Variants in CASS4 observed in about 807,000 individuals in gnomAD.
The protein encoded by CASS4 is cas scaffolding protein family member 4.
CASS4 carries 22 observed loss-of-function variants against 54.2 expected under a neutral mutation model. That is an observed-to-expected ratio of 0.41 (90% CI 0.29 to 0.58). CASS4 has a LOEUF of 0.58. CASS4 is among the 20% of genes least tolerant of loss of function. CASS4 has a pLI of 0.36. For synonymous variants in CASS4, 409 were observed against 391.5 expected (o/e 1.04, Z -0.53); for missense variants, 854 against 986.7 (o/e 0.87, Z 1.80).
At chr20:56,457,803 T>G (rs767597890) in intron 5 of CASS4, among the ~76,000 whole-genome samples, 47 of 152,048 alleles carry the variant, frequency 3.1e-4, no homozygotes, top group Non-Finnish European at 3.2e-4. Context: ...TCATTTGAGA[T>G]CAGGGGTTCA....
intron 5 of CASS4, among the ~76,000 whole-genome samples, chr20:56,456,203 G>A (rs1051876865): frequency 1.3e-5 from 2 of 151,834 alleles, no homozygotes; most frequent in African/African-American, 4.8e-5. Flanking sequence ...ACCCCTGCCC[G>A]CTCACTGCCT....
At chr20:56,422,755 C>G (rs941774587) in intron 1 of CASS4, among the ~76,000 whole-genome samples, 1 of 152,178 alleles carries the variant, frequency 6.6e-6, no homozygotes, top group African/African-American at 2.4e-5. Context: ...CATGGAGAAC[C>G]AGTTAAAGTT....
intron 1 of CASS4, among the ~76,000 whole-genome samples, chr20:56,427,270 A>G (rs1338851805): frequency 6.6e-6 from 1 of 151,578 alleles, no homozygotes; most frequent in Non-Finnish European, 1.5e-5. Context: ...AAGTGTCTGT[A>G]GATACTTTGA....
upstream of CASS4, chr20:56,412,147 G>T: frequency 2.7e-6 from 1 of 377,342 alleles, no homozygotes; most frequent in Non-Finnish European, 4.9e-6. This position sits in a 1 kb window ranked among gnomAD's most constrained non-coding sequence, Gnocchi z 4.2. Flanking sequence ...TTCTTCTTTT[G>T]TGGTTTCACA....
chr20:56,453,120 C>T lies in CASS4; in HGVS notation c.1944C>T (p.Ile648=), dbSNP rs775142048. The change falls in exon 5 of 6, where the codon ATC becomes ATT. Residue 648 remains isoleucine (I), a synonymous_variant. Coordinates refer to ENST00000679887, the MANE Select transcript of CASS4 (RefSeq NM_020356.4). ...SELLKKNRAN[I]CGQNPGPLIP... ...TATTAAAGAAAAATAGGGCAAATATCTGTGGACAGGTGAGTTCAGAGTTCC... is the reference window on the plus strand; with the variant it reads ...TATTAAAGAAAAATAGGGCAAATATTTGTGGACAGGTGAGTTCAGAGTTCC... The T allele has an allele frequency of 1.1e-5, 18 of 1,611,478 alleles. No homozygotes were observed. Among genetic ancestry groups the T allele is most frequent in the African/African-American group, 1.3e-5 (1 of 74,866 alleles).
chr20:56,412,208 T>G, upstream of CASS4: 1 of 504,278 alleles, frequency 2.0e-6, no homozygotes. This position sits in a 1 kb window ranked among gnomAD's most constrained non-coding sequence, Gnocchi z 4.2. Flanking sequence ...ACGTCAGGCA[T>G]TGAGACGTGA....
chr20:56,450,701 G>A, intron 4 of CASS4, 22 bp downstream of exon 4: 1 of 1,610,644 alleles, frequency 6.2e-7, no homozygotes, highest in Non-Finnish European at 8.5e-7. Flanking sequence ...GAGGTGCTAA[G>A]GTGCGGTGTT....
intron 5 of CASS4, 131 bp from the exon 6 acceptor site, chr20:56,458,209 G>T (rs1981391341): frequency 3.9e-6 from 3 of 771,828 alleles, no homozygotes; most frequent in African/African-American, 1.8e-5. Context: ...GCAGTATTGG[G>T]CTTCCCAAAC....
At chr20:56,436,361 T>TGTATAG (rs58241683) in intron 1 of CASS4, among the ~76,000 whole-genome samples, 36 of 136,998 alleles carry the variant, frequency 2.6e-4, no homozygotes, top group Admixed American at 1.6e-3. Flanking sequence ...TGTGTGTGTG[T>TGTATAG]ATATATATAT....
intron 2 of CASS4, among the ~76,000 whole-genome samples, chr20:56,442,167 T>C (rs1364289115): frequency 2.6e-5 from 4 of 151,804 alleles, no homozygotes; most frequent in Non-Finnish European, 5.9e-5. Flanking sequence ...GTCTGCAGAC[T>C]AAGAGTGGCC....
chr20:56,417,732 G>A (rs1267286477), intron 1 of CASS4, among the ~76,000 whole-genome samples: 1 of 152,222 alleles, frequency 6.6e-6, no homozygotes, highest in African/African-American at 2.4e-5. Context: ...GATAGGAACA[G>A]CACTACTTTC....
chr20:56,437,514 A>G lies in CASS4; in HGVS notation c.387A>G (p.Gln129=). Residue 129 remains glutamine (Q), a synonymous_variant, in exon 2 of 6, where the codon CAA becomes CAG. Coordinates refer to ENST00000679887, the MANE Select transcript of CASS4 (RefSeq NM_020356.4). The surrounding 1 kb of genome is among the most constrained non-coding windows in gnomAD (Gnocchi z 4.7). ...WAEGPQPPTA[Q]VYEFPDPPTS... ...AGGGGCCCCAGCCCCCTACTGCCCA[A>G]GTCTATGAATTCCCCGACCCTCCCA... The G allele has an allele frequency of 6.3e-7, 1 of 1,591,102 alleles. No individual in the cohort carries two copies. Among genetic ancestry groups the G allele is most frequent in the Non-Finnish European group, 8.6e-7 (1 of 1,168,960 alleles).
intron 1 of CASS4, among the ~76,000 whole-genome samples, chr20:56,435,979 C>G (rs549512827): frequency 2.0e-4 from 31 of 151,954 alleles, no homozygotes; most frequent in African/African-American, 7.0e-4. Context: ...CTTGAACTCC[C>G]GGCCTCAAGT....
At position 56,452,940 on chromosome 20, in the gene CASS4, T is replaced by G; in HGVS notation, c.1764T>G (p.Phe588Leu). 6.2e-7 allele frequency: 1 copy of G among 1,614,088 alleles called. No homozygotes were observed. The highest frequency in any genetic ancestry group is 8.5e-7 in the Non-Finnish European group (1 of 1,180,028). ...TCATTGCCAATGGAAGGCTCCTTTT[T>G]AAGCGGAACTGTGAAAAGGAAGAGA... ...SIVIANGRLL[F>L]KRNCEKEETV... Residue 588 changes from phenylalanine (F) to leucine (L), a missense_variant, in exon 5 of 6, where the codon TTT (phenylalanine) becomes TTG (leucine). Transcript: ENST00000679887.
chr20:56,441,582 G>A (rs925126368), intron 2 of CASS4, among the ~76,000 whole-genome samples: 1 of 152,038 alleles, frequency 6.6e-6, no homozygotes, highest in Non-Finnish European at 1.5e-5. Context: ...TCCAGCTTGG[G>A]TGACAAGAGG....
rs561011759 is a variant in CASS4, at chr20:56,431,104, A to G, written c.37-6060A>G. On this transcript the variant is annotated intron_variant, in intron 1 of 5. Transcript: ENST00000679887. ...GTGAAAGAATGGATGTGAGGAACCA[A>G]TTAGAATTTAAGTGACCTTGGACAA... Among the ~76,000 whole-genome samples the G allele has an allele frequency of 2.4e-4, 36 of 152,286 alleles. 1 individual carries two copies. Among genetic ancestry groups the G allele is most frequent in the East Asian group, 1.7e-3 (9 of 5,178 alleles).
Position 56,445,922 on chromosome 20 carries a change from C to T in CASS4, c.482C>T (p.Pro161Leu), listed in dbSNP as rs1980685457. Residue 161 changes from proline to leucine, a missense_variant, in exon 3 of 6, where the codon CCT (proline) becomes CTT (leucine). Coordinates refer to ENST00000679887, the MANE Select transcript of CASS4 (RefSeq NM_020356.4). ...PKQAILTLPR[P>L]VRASLPTLPS... ...AAGGCCATCCTCACGCTTCCCAGACCTGTCCGGGCCTCACTGCCGACTCTG... is the reference window on the plus strand; with the variant it reads ...AAGGCCATCCTCACGCTTCCCAGACTTGTCCGGGCCTCACTGCCGACTCTG... 1 of 1,614,044 alleles carries T rather than the reference C, an allele frequency of 6.2e-7. No individual in the cohort carries two copies. The highest frequency in any genetic ancestry group is 2.2e-5 in the East Asian group (1 of 44,882).
chr20:56,439,116 T>C (rs894622861), intron 2 of CASS4, among the ~76,000 whole-genome samples: 1 of 152,168 alleles, frequency 6.6e-6, no homozygotes, highest in African/African-American at 2.4e-5. Context: ...AATTAGGAAG[T>C]TGATTTTTAT....
chr20:56,447,168 A>G (rs145723326), intron 3 of CASS4, among the ~76,000 whole-genome samples: 2,211 of 151,146 alleles, frequency 0.015, 31 homozygotes, highest in Non-Finnish European at 0.023. Flanking sequence ...AGATCACACC[A>G]CTGTACTCCA....
Sources: allele counts gnomAD v4.1 joint callset (sites outside exome capture counted in the v4.1 genomes callset), GRCh38; gene constraint gnomAD v4.1.1; non-coding constraint Gnocchi (gnomAD v3.1); transcripts MANE v1.5; gene names NCBI Gene and HGNC (gene_info 2026-07-23, HGNC 2026-07-21).